The following ADAMTSL1 variants were observed in gnomAD, a reference collection of about 807,000 sequenced individuals.
ADAMTSL1 encodes the protein ADAMTS like 1, also known as ADAMTS-like protein 1.
ADAMTSL1 carries 126 observed loss-of-function variants against 201.8 expected under a neutral mutation model. That is an observed-to-expected ratio of 0.62 (90% CI 0.54 to 0.72). The LOEUF (loss-of-function observed/expected upper bound fraction) is 0.72, where lower values mean the gene tolerates loss of function less well. Ranked by LOEUF, ADAMTSL1 falls within the 30% of genes least tolerant of loss-of-function variation. ADAMTSL1 has a pLI of 0.00. For synonymous variants in ADAMTSL1, 1,121 were observed against 903.4 expected (o/e 1.24, Z -4.32); for missense variants, 2,679 against 2,277.8 (o/e 1.18, Z -3.59).
chr9:17,952,691 T>C (rs1827774256), intron 1 of ADAMTSL1, among the ~76,000 whole-genome samples: 1 of 152,066 alleles, frequency 6.6e-6, no homozygotes, highest in Non-Finnish European at 1.5e-5. Flanking sequence ...AATTTTTGTG[T>C]AATTTTTGTA....
intron 23 of ADAMTSL1, among the ~76,000 whole-genome samples, chr9:18,846,483 G>A (rs1175619077): frequency 3.3e-5 from 5 of 152,214 alleles, no homozygotes; most frequent in Non-Finnish European, 7.3e-5. Flanking sequence ...AGGTAAGGGG[G>A]AGTGGCCTTA....
At chr9:18,134,553 G>A (rs1168483699) in intron 1 of ADAMTSL1, among the ~76,000 whole-genome samples, 1 of 152,104 alleles carries the variant, frequency 6.6e-6, no homozygotes, top group African/African-American at 2.4e-5. Context: ...TCATCCTGAT[G>A]TTTGACATTT....
At chr9:18,535,392 G>C (rs895254876) in intron 3 of ADAMTSL1, among the ~76,000 whole-genome samples, 1 of 152,152 alleles carries the variant, frequency 6.6e-6, no homozygotes, top group Non-Finnish European at 1.5e-5. Flanking sequence ...AAGACTGTAG[G>C]AAGTTCCGAA....
intron 1 of ADAMTSL1, among the ~76,000 whole-genome samples, chr9:17,919,024 T>A (rs576302608): frequency 6.6e-6 from 1 of 152,016 alleles, no homozygotes; most frequent in South Asian, 2.1e-4. Context: ...TTTTTTAATA[T>A]AATAGTTACC....
At chr9:18,720,706 C>G (rs1215879750) in intron 14 of ADAMTSL1, among the ~76,000 whole-genome samples, 1 of 152,078 alleles carries the variant, frequency 6.6e-6, no homozygotes, top group African/African-American at 2.4e-5. Flanking sequence ...TCGCTTGAAC[C>G]CGGAAGGCAG....
At chr9:18,869,094 A>G (rs1480450634) in intron 23 of ADAMTSL1, among the ~76,000 whole-genome samples, 1 of 152,262 alleles carries the variant, frequency 6.6e-6, no homozygotes, top group Non-Finnish European at 1.5e-5. Flanking sequence ...CCATGTGAAC[A>G]TAAAGACAGA....
intron 2 of ADAMTSL1, among the ~76,000 whole-genome samples, chr9:18,358,568 C>A (rs1026805528): frequency 1.3e-5 from 2 of 152,132 alleles, no homozygotes; most frequent in South Asian, 4.1e-4. Context: ...GACTAATCAA[C>A]TTTCTGTCTC....
intron 1 of ADAMTSL1, among the ~76,000 whole-genome samples, chr9:18,499,888 T>C: frequency 6.6e-6 from 1 of 152,262 alleles, no homozygotes. Context: ...ACCTACTTTT[T>C]TTTCATTTAA....
At chr9:18,290,452 C>A (rs34263413) in intron 2 of ADAMTSL1, among the ~76,000 whole-genome samples, 8,201 of 152,080 alleles carry the variant, frequency 0.054, 281 homozygotes, top group Non-Finnish European at 0.075. Flanking sequence ...TGGGGTTGAA[C>A]CATCTTGCAA....
rs536161817 is a variant in ADAMTSL1 at position 18,066,708 on chromosome 9, G to A, written c.88-97154G>A. 5.4e-4 allele frequency among the ~76,000 whole-genome samples: 82 copies of A among 152,178 alleles called. 1 individual carries two copies. In the South Asian group the frequency reaches 0.016, roughly 30 times the overall value. ...TGAGATCCTAATCAAAATAGCAGTG[G>A]GTTCAGTGAACAAGCTGTTAGATCA... is the stretch of plus-strand genomic sequence containing the variant. On this transcript the variant is annotated intron_variant, in intron 1 of 29. Transcript: ENST00000680146.
chr9:18,112,006 C>G (rs1196355347), intron 1 of ADAMTSL1, among the ~76,000 whole-genome samples: 1 of 152,116 alleles, frequency 6.6e-6, no homozygotes, highest in Non-Finnish European at 1.5e-5. Flanking sequence ...ACTTGTGCCC[C>G]TTTAGCTTTC....
Position 18,905,702 on chromosome 9 carries a change from C to T in ADAMTSL1, c.4852-80C>T. ...CAACAAGACCTACACAAGGATCGTG[C>T]ATGCCATGCAGCCCAAGCACGGCGG... On this transcript the variant is annotated intron_variant, in intron 26 of 28. Transcript: ENST00000380548. 1.3e-5 allele frequency: 14 copies of T among 1,071,548 alleles called. No homozygotes were observed. The South Asian group carries it at 1.5e-4, about 12-fold the overall frequency. The allele number at this position is 1,071,548 out of a possible 1,614,324, so 66.4% of individuals were successfully genotyped here. A position where few individuals can be genotyped will look rare whatever the true frequency, so the allele number is the denominator to read the frequency against.
rs749827496 is a variant in ADAMTSL1 at position 17,967,160 on chromosome 9, G to A, written c.87+60238G>A. On this transcript the variant is annotated intron_variant, in intron 1 of 29. Coordinates refer to the ADAMTSL1 transcript ENST00000680146. ...TGATCATTGTCTCTAGGGCATGTCC[G>A]GATGTAGGTAGGAAATAAACAAATA... Among the ~76,000 whole-genome samples the A allele has an allele frequency of 1.5e-3, 235 of 152,176 alleles. 1 individual carries two copies. Among genetic ancestry groups the A allele is most frequent in the Non-Finnish European group, 2.8e-3 (188 of 67,990 alleles).
chr9:17,925,645 A>T (rs1028110140), intron 1 of ADAMTSL1, among the ~76,000 whole-genome samples: 66 of 133,130 alleles, frequency 5.0e-4, no homozygotes, highest in African/African-American at 1.7e-3. Flanking sequence ...CATAGGTGGG[A>T]ATTGAACAAT....
intron 22 of ADAMTSL1, among the ~76,000 whole-genome samples, chr9:18,829,312 C>T (rs1037685804): frequency 1.3e-5 from 2 of 152,120 alleles, no homozygotes; most frequent in African/African-American, 4.8e-5. Flanking sequence ...AACCACAAAG[C>T]AAATTAACTC....
At chr9:18,250,384 C>T (rs961232365) in intron 2 of ADAMTSL1, among the ~76,000 whole-genome samples, 1 of 152,076 alleles carries the variant, frequency 6.6e-6, no homozygotes, top group South Asian at 2.1e-4. Context: ...GGAGAGATAT[C>T]TGGAGGGGTA....
intron 2 of ADAMTSL1, among the ~76,000 whole-genome samples, chr9:18,434,510 A>G (rs1819637542): frequency 6.6e-6 from 1 of 152,212 alleles, no homozygotes; most frequent in Admixed American, 6.5e-5. Context: ...GGGACACATG[A>G]GAACAGAAAA....
At chr9:17,977,280 A>C (rs1257542379) in intron 1 of ADAMTSL1, among the ~76,000 whole-genome samples, 1 of 151,850 alleles carries the variant, frequency 6.6e-6, no homozygotes, top group Non-Finnish European at 1.5e-5. Flanking sequence ...TTGGCCTATG[A>C]TTTTCTTTTC....
chr9:17,936,067 T>C (rs929557840), intron 1 of ADAMTSL1, among the ~76,000 whole-genome samples: 1 of 152,208 alleles, frequency 6.6e-6, no homozygotes, highest in Non-Finnish European at 1.5e-5. Flanking sequence ...GCTTTGTATT[T>C]AGCATTTAGC....
Sources: gnomAD v4.1 joint callset for allele counts (sites outside exome capture counted in the v4.1 genomes callset) on GRCh38, gnomAD v4.1.1 for gene constraint, MANE v1.5 for transcripts, NCBI Gene and HGNC (gene_info 2026-07-23, HGNC 2026-07-21) for gene names.